Variants in SPEN observed in about 807,000 individuals in gnomAD.
The protein encoded by SPEN is msx2-interacting protein.
SPEN carries 18 observed loss-of-function variants against 269.9 expected under a neutral mutation model. The observed-to-expected ratio is 0.07, with a 90% CI of 0.05 to 0.10. SPEN has a LOEUF of 0.10. SPEN is among the 10% of genes least tolerant of loss of function. SPEN has a pLI of 1.00. For missense variants in SPEN, 3,822 were observed against 4,631.2 expected, an observed-to-expected ratio of 0.83 and a Z score of 5.07; for synonymous variants, 1,726 against 1,765.7, an observed-to-expected ratio of 0.98 and a Z score of 0.56.
chr1:15,892,576 T>G (rs1026190406), intron 3 of SPEN, among the ~76,000 whole-genome samples: 43 of 152,190 alleles, frequency 2.8e-4, no homozygotes, highest in Non-Finnish European at 1.9e-4. Flanking sequence ...GGGACTGTTA[T>G]GCCTAAAATA....
intron 9 of SPEN, 63 bp downstream of exon 9, chr1:15,921,046 C>T: frequency 4.5e-6 from 5 of 1,116,490 alleles, no homozygotes; most frequent in Non-Finnish European, 5.1e-6. Context: ...CCCTCTTGGG[C>T]TGGGCGTGGT....
chr1:15,928,637 G>A lies in SPEN; in HGVS notation c.2397G>A (p.Pro799=), dbSNP rs772173552. Residue 799 remains proline (P), a synonymous_variant, in exon 11 of 15, where the codon CCG becomes CCA. Coordinates refer to ENST00000375759, the MANE Select transcript of SPEN (RefSeq NM_015001.3). This position sits in a 1 kb window ranked among gnomAD's most constrained non-coding sequence, Gnocchi z 5.7. ...CAGATAAAGAACGAACTTTTGATCCGGAGAGAGTGGAGAGAGAGAGACGCT... is the reference window on the plus strand; with the variant it reads ...CAGATAAAGAACGAACTTTTGATCCAGAGAGAGTGGAGAGAGAGAGACGCT... ...EKTDKERTFD[P]ERVERERRLI... 2.5e-5 allele frequency: 40 copies of A among 1,613,820 alleles called. No homozygotes were observed. In the East Asian group the frequency reaches 3.6e-4, roughly 14 times the overall value.
chr1:15,902,915 T>A (rs561860905), intron 3 of SPEN, among the ~76,000 whole-genome samples: 1 of 152,296 alleles, frequency 6.6e-6, no homozygotes, highest in African/African-American at 2.4e-5. Flanking sequence ...TGCCAGAGTT[T>A]TGTTTCTCAA....
chr1:15,862,430 T>C (rs1278810664), intron 1 of SPEN, among the ~76,000 whole-genome samples: 1 of 152,098 alleles, frequency 6.6e-6, no homozygotes, highest in African/African-American at 2.4e-5. Context: ...TGCACTTTAC[T>C]TTTTGATTCT....
chr1:15,888,832 T>C (rs1242405391), intron 3 of SPEN, among the ~76,000 whole-genome samples: 1 of 151,776 alleles, frequency 6.6e-6, no homozygotes, highest in Non-Finnish European at 1.5e-5. Flanking sequence ...GGTTTTGCCA[T>C]GTTGGTTGGC....
intron 10 of SPEN, among the ~76,000 whole-genome samples, chr1:15,922,555 A>G (rs565178227): frequency 2.6e-5 from 4 of 152,164 alleles, no homozygotes; most frequent in South Asian, 2.1e-4. Flanking sequence ...GTTTGGAGCA[A>G]CCTGTCTGGA....
intron 1 of SPEN, among the ~76,000 whole-genome samples, chr1:15,853,294 C>T (rs1376260062): frequency 6.6e-6 from 1 of 150,696 alleles, no homozygotes; most frequent in African/African-American, 2.4e-5. Flanking sequence ...TCAAGCACTT[C>T]TTGTGCCATA....
rs1382157564 is a variant in SPEN, at chr1:15,938,720, G to T, written c.10707G>T (p.Val3569=). ...QLEGVARRMT[V]ETDYCLLLAL... is the part of the protein sequence containing the mutation. ...CTGGCAGCTGGCCTCTGCCTCAGGTGGAGACAGATTACTGTCTGCTGCTGG... is the reference window on the plus strand; with the variant it reads ...CTGGCAGCTGGCCTCTGCCTCAGGTTGAGACAGATTACTGTCTGCTGCTGG... Residue 3569 remains valine (V), a splice_region_variant and synonymous_variant, in exon 14 of 15, where the codon GTG becomes GTT. Transcript: ENST00000375759. 6.2e-7 allele frequency: 1 copy of T among 1,613,212 alleles called. No individual in the cohort carries two copies. The highest frequency in any genetic ancestry group is 8.5e-7 in the Non-Finnish European group (1 of 1,179,714).
Position 15,911,094 on chromosome 1 carries a change from A to C in SPEN, c.1043-7A>C, listed in dbSNP as rs1171222557. 1.0e-5 allele frequency: 16 copies of C among 1,590,528 alleles called. No individual in the cohort carries two copies. The highest frequency in any genetic ancestry group is 1.3e-5 in the Non-Finnish European group (15 of 1,172,382). On this transcript the variant is annotated splice_polypyrimidine_tract_variant and splice_region_variant and intron_variant, in intron 4 of 14. Coordinates refer to ENST00000375759, the MANE Select transcript of SPEN (RefSeq NM_015001.3). Reference sequence around the variant, plus strand: ...AATTAATAACTTGGTTTTTTTTGGGAATTTAGATACAAGCCTTAAAGATGG... The same window carrying C: ...AATTAATAACTTGGTTTTTTTTGGGCATTTAGATACAAGCCTTAAAGATGG...
Position 15,876,373 on chromosome 1 carries a change from T to C in SPEN, c.576T>C (p.Asn192=). 6.2e-7 allele frequency: 1 copy of C among 1,613,942 alleles called. No homozygotes were observed. Residue 192 remains asparagine, a synonymous_variant, in exon 3 of 15, where the codon AAT becomes AAC. Coordinates refer to ENST00000375759, the MANE Select transcript of SPEN (RefSeq NM_015001.3). The part of the protein sequence containing the change: ...LYYASRSRSP[N]RFDAHDPRYE... Reference sequence around the variant, plus strand: ...ACGCTTCTCGGAGTCGAAGTCCAAATCGCTTTGATGCTCATGACCCCCGAT... The same window carrying C: ...ACGCTTCTCGGAGTCGAAGTCCAAACCGCTTTGATGCTCATGACCCCCGAT...
At chr1:15,869,675 C>T (rs2070553813) in intron 1 of SPEN, among the ~76,000 whole-genome samples, 1 of 151,082 alleles carries the variant, frequency 6.6e-6, no homozygotes, top group Non-Finnish European at 1.5e-5. Context: ...ATGACTCACT[C>T]ATGGCCATTT....
At chr1:15,866,977 A>G (rs1027765065) in intron 1 of SPEN, among the ~76,000 whole-genome samples, 1 of 152,200 alleles carries the variant, frequency 6.6e-6, no homozygotes, top group Non-Finnish European at 1.5e-5. Flanking sequence ...GAAAGATAAC[A>G]GTTTTATTAA....
At chr1:15,872,700 T>C (rs1421585595) in intron 1 of SPEN, 116 bp from the exon 2 acceptor site, 4 of 639,188 alleles carry the variant, frequency 6.3e-6, no homozygotes, top group East Asian at 5.6e-5. Flanking sequence ...ATTTAAAAAG[T>C]CATTTTGCAG....
intron 3 of SPEN, among the ~76,000 whole-genome samples, chr1:15,894,860 A>C (rs112516808): frequency 0.035 from 5,292 of 152,012 alleles, 295 homozygotes; most frequent in African/African-American, 0.12. Flanking sequence ...GCCAAAGCTT[A>C]TAAGTCTTCA....
At chr1:15,866,645 G>A (rs1293161141) in intron 1 of SPEN, among the ~76,000 whole-genome samples, 7 of 152,104 alleles carry the variant, frequency 4.6e-5, no homozygotes, top group East Asian at 1.9e-4. Flanking sequence ...GAGCCACCGC[G>A]CCCGGCTGGA....
intron 3 of SPEN, among the ~76,000 whole-genome samples, chr1:15,879,922 G>A (rs186730424): frequency 1.3e-5 from 2 of 152,142 alleles, no homozygotes; most frequent in East Asian, 3.9e-4. Flanking sequence ...CGCCCGCCTC[G>A]ACCTCCCAAA....
chr1:15,917,596 G>C (rs2071077994), intron 6 of SPEN: 1 of 152,210 alleles, frequency 6.6e-6, no homozygotes, highest in African/African-American at 2.4e-5. Flanking sequence ...CACCGTGTTG[G>C]CCAGGCTGGT....
intron 4 of SPEN, among the ~76,000 whole-genome samples, chr1:15,909,953 G>A (rs866584789): frequency 9.9e-5 from 15 of 151,472 alleles, no homozygotes; most frequent in Middle Eastern, 3.4e-3. Flanking sequence ...GTGAAACCCC[G>A]TCTCTACTAA....
At chr1:15,900,340 A>G (rs2070887743) in intron 3 of SPEN, among the ~76,000 whole-genome samples, 1 of 152,206 alleles carries the variant, frequency 6.6e-6, no homozygotes, top group Non-Finnish European at 1.5e-5. Context: ...TGTTGCGGTA[A>G]AAACCATTTC....
Sources: gnomAD v4.1 joint callset for allele counts (sites outside exome capture counted in the v4.1 genomes callset) on GRCh38, gnomAD v4.1.1 for gene constraint, Gnocchi (gnomAD v3.1) non-coding constraint, MANE v1.5 for transcripts, NCBI Gene and HGNC (gene_info 2026-07-23, HGNC 2026-07-21) for gene names.